Variants in AGA observed in about 807,000 individuals in gnomAD.
AGA encodes the protein N(4)-(beta-N-acetylglucosaminyl)-L-asparaginase.
In AGA, 31 loss-of-function variants were observed where a neutral mutation model predicts 40.1. The observed-to-expected ratio is 0.77, with a 90% CI of 0.58 to 1.04. AGA has a LOEUF of 1.04. Among genes scored for constraint, AGA ranks in the 50% least tolerant of loss-of-function variants. AGA has a pLI of 0.00. For missense variants in AGA, 445 were observed against 435.4 expected, an observed-to-expected ratio of 1.02 and a Z score of -0.20; for synonymous variants, 148 against 144.0, an observed-to-expected ratio of 1.03 and a Z score of -0.20.
Position 177,431,107 on chromosome 4 carries a change from G to T in AGA, c.*601C>A. On this transcript the variant is annotated 3_prime_UTR_variant, in exon 9 of 9. Transcript: ENST00000264595. ...TCACACACTGAGAGCTCCATAAGAG[G>T]AAAAAAGCAAAGAAAATCAACACAA... is the stretch of plus-strand genomic sequence containing the variant. The T allele has an allele frequency of 2.2e-6, 1 of 446,120 alleles. No individual in the cohort carries two copies. The highest frequency in any genetic ancestry group is 4.5e-6 in the Non-Finnish European group (1 of 223,802). 27.6% of individuals were successfully genotyped at this position (446,120 alleles called of 1,614,324 possible).
At chr4:177,435,832 CCAG>C (rs1199639561) in intron 6 of AGA, among the ~76,000 whole-genome samples, 75 of 136,498 alleles carry the variant, frequency 5.5e-4, no homozygotes, top group African/African-American at 1.8e-3. Flanking sequence ...TCTTTCCAAG[CCAG>C]TAGTTCTGCG....
Position 177,431,685 on chromosome 4 carries a change from C to T in AGA, c.*23G>A. 1 of 1,568,172 alleles carries T rather than the reference C, an allele frequency of 6.4e-7. No homozygotes were observed. The highest frequency in any genetic ancestry group is 8.8e-7 in the Non-Finnish European group (1 of 1,138,770). ...CCTTTGTTTCTTTCTTCTTTAAATA[C>T]AGATGTTGACAGTAAAGATGGATTA... On this transcript the variant is annotated 3_prime_UTR_variant, in exon 9 of 9. Coordinates refer to ENST00000264595, the MANE Select transcript of AGA (RefSeq NM_000027.4).
rs765810965 is a variant in AGA at position 177,437,561 on chromosome 4, T to G, written c.508-42A>C. The G allele has an allele frequency of 2.1e-6, 3 of 1,439,522 alleles. No individual in the cohort carries two copies. In the Admixed American group the frequency reaches 5.2e-5, roughly 25 times the overall value. 89.2% of individuals were successfully genotyped at this position (1,439,522 alleles called of 1,614,324 possible). A position where few individuals can be genotyped will look rare whatever the true frequency, so the allele number is the denominator to read the frequency against. On this transcript the variant is annotated intron_variant, in intron 4 of 8. Coordinates refer to ENST00000264595, the MANE Select transcript of AGA (RefSeq NM_000027.4). ...AGTTTTATTTCTTACAAAGGGTATT[T>G]TTAGAAATTGCCAAGAAATTATGTA...
chr4:177,431,460 T>A lies in AGA; in HGVS notation c.*248A>T. 1 of 519,492 alleles carries A rather than the reference T, an allele frequency of 1.9e-6. No homozygotes were observed. The highest frequency in any genetic ancestry group is 4.1e-5 in the East Asian group (1 of 24,440). The allele number at this position is 519,492 out of a possible 1,614,324, so 32.2% of individuals were successfully genotyped here. On this transcript the variant is annotated 3_prime_UTR_variant, in exon 9 of 9. Transcript: ENST00000264595. ...ACTGATCAGAAATCCAAGTGTCACTTAAAACTTAAATATATACAAAATACA... is the reference window on the plus strand; with the variant it reads ...ACTGATCAGAAATCCAAGTGTCACTAAAAACTTAAATATATACAAAATACA...
chr4:177,440,467 T>TA lies in AGA; in HGVS notation c.128-42_128-41insT, dbSNP rs762639905. 823 of 1,573,580 alleles carry TA rather than the reference T, an allele frequency of 5.2e-4. 5 individuals carry two copies. The highest frequency in any genetic ancestry group is 3.3e-4 in the Non-Finnish European group (384 of 1,159,700). On this transcript the variant is annotated intron_variant, in intron 1 of 8. Coordinates refer to ENST00000264595, the MANE Select transcript of AGA (RefSeq NM_000027.4). ...CAATAATGCTTGTTTATATATATAT[T>TA]TTTTTTTCAATGCCAAATGCAACAA... is the stretch of plus-strand genomic sequence containing the variant.
rs756941180 is a variant in AGA, at chr4:177,442,305, G to A, written c.71C>T (p.Ser24Phe). ...FLLCQALVRCSSPLPLVVNTW... is the reference protein window; with the variant it reads ...FLLCQALVRCFSPLPLVVNTW... ...GTTGACGACCAGGGGCAGAGGGCTG[G>A]AGCAGCGCACTAGGGCCTGGCAGAG... The change falls in exon 1 of 9, where the codon TCC (serine) becomes TTC (phenylalanine). Residue 24 changes from serine (S) to phenylalanine (F), a missense_variant. Coordinates refer to ENST00000264595, the MANE Select transcript of AGA (RefSeq NM_000027.4). 8 of 1,614,122 alleles carry A rather than the reference G, an allele frequency of 5.0e-6. No individual in the cohort carries two copies. In the South Asian group the frequency reaches 8.8e-5, roughly 18 times the overall value.
At chr4:177,441,038 G>C (rs1435997014) in intron 1 of AGA, among the ~76,000 whole-genome samples, 5 of 152,026 alleles carry the variant, frequency 3.3e-5, no homozygotes, top group Non-Finnish European at 7.4e-5. Context: ...CACACAGCTG[G>C]TAAGTAGCAG....
chr4:177,438,771 G>A lies in AGA; in HGVS notation c.481C>T (p.Arg161Trp), dbSNP rs777637637. 6.2e-5 allele frequency: 100 copies of A among 1,607,348 alleles called. No individual in the cohort carries two copies. Among genetic ancestry groups the A allele is most frequent in the Admixed American group, 4.7e-4 (28 of 59,996 alleles). ...CTCCAATAATTTGGCTGGCAATTCC[G>A]AGCAAGCCAATCTGAATGAAGAGCT... The part of the protein sequence containing the change: ...SQALHSDWLA[R>W]NCQPNYWRNV... The change falls in exon 4 of 9, where the codon CGG (arginine) becomes TGG (tryptophan). Residue 161 changes from arginine (R) to tryptophan (W), a missense_variant. Transcript: ENST00000264595.
intron 2 of AGA, chr4:177,440,053 T>C (rs1736944476): frequency 1.6e-6 from 1 of 610,608 alleles, no homozygotes; most frequent in Non-Finnish European, 2.9e-6. Flanking sequence ...CTTGGCATTC[T>C]CCCAGTTCTA....
chr4:177,435,851 GCACACACACA>G (rs3067063), intron 6 of AGA, among the ~76,000 whole-genome samples: 1 of 148,254 alleles, frequency 6.7e-6, no homozygotes, highest in East Asian at 2.0e-4. Flanking sequence ...CTGCGTGCAC[GCACACACACA>G]CACACACACA....
In AGA at chr4:177,433,343, GGTAGCTGATT is replaced by G; in HGVS notation, c.807-6_810del. ...CCTCTTCTCATGTATTCTACAGCTTGGTAGCTGATTGAAACAGAGGTGAAACCTTAGTGTC... is the reference window on the plus strand; with the variant it reads ...CCTCTTCTCATGTATTCTACAGCTTGGAAACAGAGGTGAAACCTTAGTGTC... On this transcript the variant is annotated splice_acceptor_variant and splice_polypyrimidine_tract_variant and coding_sequence_variant and intron_variant, in exon 8 of 9. Coordinates refer to ENST00000264595, the MANE Select transcript of AGA (RefSeq NM_000027.4). LOFTEE classifies it high-confidence loss of function. 3 of 1,613,952 alleles carry G rather than the reference GGTAGCTGATT, an allele frequency of 1.9e-6. No individual in the cohort carries two copies. The highest frequency in any genetic ancestry group is 2.5e-6 in the Non-Finnish European group (3 of 1,179,946).
rs190712210 is a variant in AGA at position 177,438,018 on chromosome 4, G to A, written c.508-499C>T. Among the ~76,000 whole-genome samples the A allele has an allele frequency of 2.0e-5, 3 of 152,192 alleles. No individual in the cohort carries two copies. The East Asian group carries it at 5.8e-4, about 29-fold the overall frequency. ...TTAAGATTCCTTTATAAATCTAAAGGGCTCAAGAATATAATGCAAACTCAT... is the reference window on the plus strand; with the variant it reads ...TTAAGATTCCTTTATAAATCTAAAGAGCTCAAGAATATAATGCAAACTCAT... On this transcript the variant is annotated intron_variant, in intron 4 of 8. Transcript: ENST00000264595.
intron 1 of AGA, among the ~76,000 whole-genome samples, chr4:177,441,686 A>T (rs1471987937): frequency 6.6e-6 from 1 of 152,164 alleles, no homozygotes; most frequent in Non-Finnish European, 1.5e-5. Context: ...CAGTCACAGG[A>T]GGTGGGCCCC....
intron 6 of AGA, 107 bp downstream of exon 6, chr4:177,436,169 C>A: frequency 1.1e-6 from 1 of 904,408 alleles, no homozygotes. Context: ...ACTCATTCAT[C>A]GCAGCTGTGA....
Position 177,431,404 on chromosome 4 carries a change from A to C in AGA, c.*304T>G. On this transcript the variant is annotated 3_prime_UTR_variant, in exon 9 of 9. Coordinates refer to ENST00000264595, the MANE Select transcript of AGA (RefSeq NM_000027.4). ...TTTGGGTTTAATATATCACTGTGGA[A>C]ATAAATCTCAAAGTAGCAATTTTTT... 1 of 436,914 alleles carries C rather than the reference A, an allele frequency of 2.3e-6. No individual in the cohort carries two copies. The highest frequency in any genetic ancestry group is 1.8e-5 in the South Asian group (1 of 54,412). The allele number at this position is 436,914 out of a possible 1,614,324, so 27.1% of individuals were successfully genotyped here. A position where few individuals can be genotyped will look rare whatever the true frequency, so the allele number is the denominator to read the frequency against.
intron 7 of AGA, among the ~76,000 whole-genome samples, chr4:177,434,111 A>T (rs1488048360): frequency 6.6e-6 from 1 of 152,056 alleles, no homozygotes; most frequent in Non-Finnish European, 1.5e-5. Flanking sequence ...CTCCTACCAC[A>T]GCCTCCCGAG....
At chr4:177,431,834 T>C (rs749645001) in intron 8 of AGA, 26 bp from the exon 9 acceptor site, 4 of 1,571,580 alleles carry the variant, frequency 2.5e-6, no homozygotes, top group Non-Finnish European at 3.5e-6. Flanking sequence ...AGAAAGAAGT[T>C]TGGTGAACTA....
chr4:177,432,569 G>T (rs1736665337), intron 8 of AGA, among the ~76,000 whole-genome samples: 1 of 152,126 alleles, frequency 6.6e-6, no homozygotes, highest in African/African-American at 2.4e-5. Flanking sequence ...GGAAGTAAAA[G>T]ATCAAAGAAC....
At position 177,433,246 on chromosome 4, in the gene AGA, GC is replaced by G; in HGVS notation, c.907del (p.Ala303LeufsTer7). 6.2e-7 allele frequency: 1 copy of G among 1,614,032 alleles called. No individual in the cohort carries two copies. Among genetic ancestry groups the G allele is most frequent in the African/African-American group, 1.3e-5 (1 of 75,020 alleles). Reference sequence around the variant, plus strand: ...TCCAGTCACATTGGCACATATAACAGCCCCAAAGAATTCTGGAAAATGCTTC... The same window carrying G: ...TCCAGTCACATTGGCACATATAACAGCCCAAAGAATTCTGGAAAATGCTTC... Reference protein sequence around the residue: ...IQKHFPEFFGAVICANVTGSY... With the variant: ...IQKHFPEFFGXVICANVTGSY... On this transcript the variant is annotated frameshift_variant, in exon 8 of 9. Coordinates refer to ENST00000264595, the MANE Select transcript of AGA (RefSeq NM_000027.4). LOFTEE classifies it high-confidence loss of function.
Sources: allele counts gnomAD v4.1 joint callset (sites outside exome capture counted in the v4.1 genomes callset), GRCh38; gene constraint gnomAD v4.1.1; transcripts MANE v1.5; gene names NCBI Gene and HGNC (gene_info 2026-07-23, HGNC 2026-07-21).